NBEAL1: variants seen among roughly 807,000 people sequenced by gnomAD.
NBEAL1 encodes neurobeachin-like protein 1.
Under a neutral mutation model 351.3 loss-of-function variants are expected in NBEAL1, and 273 were observed. The ratio of observed to expected loss-of-function variants is 0.78; its 90% CI spans 0.70 to 0.86. NBEAL1 has a LOEUF of 0.86. NBEAL1 is among the 40% of genes least tolerant of loss of function. NBEAL1 has a pLI of 0.00. For synonymous variants in NBEAL1, 1,050 were observed against 1,086.4 expected (o/e 0.97, Z 0.66); for missense variants, 2,961 against 3,201.3 (o/e 0.92, Z 1.81).
At chr2:203,138,815 C>T (rs2063290506) in intron 31 of NBEAL1, 67 bp downstream of exon 31, 16 of 1,420,526 alleles carry the variant, frequency 1.1e-5, no homozygotes, top group Non-Finnish European at 1.4e-5. Context: ...ATGTAACAAG[C>T]CAGTTAAAAT....
chr2:203,160,647 G>T (rs1384324032), intron 36 of NBEAL1, among the ~76,000 whole-genome samples: 2 of 151,790 alleles, frequency 1.3e-5, no homozygotes, highest in Non-Finnish European at 2.9e-5. Context: ...ATACATTTTT[G>T]GTAACAAACT....
intron 43 of NBEAL1, among the ~76,000 whole-genome samples, chr2:203,180,763 C>A (rs1350720508): frequency 6.6e-6 from 1 of 151,746 alleles, no homozygotes; most frequent in Non-Finnish European, 1.5e-5. Flanking sequence ...ACTAGGGAAG[C>A]AAAAATGACC....
At chr2:203,170,814 A>G (rs947413386) in intron 39 of NBEAL1, among the ~76,000 whole-genome samples, 2 of 152,230 alleles carry the variant, frequency 1.3e-5, no homozygotes, top group African/African-American at 4.8e-5. Flanking sequence ...GCACTCAAGA[A>G]CAATTGGGCT....
At chr2:203,170,275 G>A (rs1214744422) in intron 39 of NBEAL1, among the ~76,000 whole-genome samples, 2 of 152,116 alleles carry the variant, frequency 1.3e-5, no homozygotes, top group Non-Finnish European at 2.9e-5. Context: ...GGGAGGCTGA[G>A]GTGGGAGAAT....
At chr2:203,156,857 AT>A (rs892452077) in intron 35 of NBEAL1, among the ~76,000 whole-genome samples, 92 of 151,898 alleles carry the variant, frequency 6.1e-4, no homozygotes, top group African/African-American at 1.7e-3. Context: ...AAGTATGTTA[AT>A]TTTTTTTCCA....
chr2:203,126,229 C>A, intron 21 of NBEAL1, 136 bp downstream of exon 21: 1 of 940,718 alleles, frequency 1.1e-6, no homozygotes, highest in Non-Finnish European at 1.5e-6. Context: ...AATTTGTTCA[C>A]AGGCAGCTTT....
At chr2:203,120,194 G>A (rs894587497) in intron 18 of NBEAL1, among the ~76,000 whole-genome samples, 4 of 152,064 alleles carry the variant, frequency 2.6e-5, no homozygotes, top group East Asian at 1.9e-4. Flanking sequence ...AGTATTTCAC[G>A]TGTATTGTTT....
chr2:203,177,466 A>G (rs2064545685), intron 42 of NBEAL1, among the ~76,000 whole-genome samples: 1 of 152,116 alleles, frequency 6.6e-6, no homozygotes, highest in South Asian at 2.1e-4. Flanking sequence ...ATCTAAATAA[A>G]CATTTCTTCA....
intron 10 of NBEAL1, among the ~76,000 whole-genome samples, chr2:203,093,768 A>G (rs2062119580): frequency 6.6e-6 from 1 of 152,072 alleles, no homozygotes; most frequent in Non-Finnish European, 1.5e-5. Context: ...GAATCGTTTG[A>G]ACTTAGAGGG....
At chr2:203,061,153 G>A (rs1198926648) in intron 6 of NBEAL1, among the ~76,000 whole-genome samples, 1 of 152,134 alleles carries the variant, frequency 6.6e-6, no homozygotes, top group African/African-American at 2.4e-5. Flanking sequence ...ACATTTCTTA[G>A]AATTACAGGG....
At chr2:203,148,253 A>G (rs1168508280) in intron 33 of NBEAL1, among the ~76,000 whole-genome samples, 1 of 152,064 alleles carries the variant, frequency 6.6e-6, no homozygotes, top group Admixed American at 6.5e-5. Context: ...ATGAGAGGAC[A>G]CTGAGCCTCA....
Position 203,141,363 on chromosome 2 carries a change from A to ATTT in NBEAL1, c.4848+2617_4848+2618insTTT, listed in dbSNP as rs1468774275. 6.1e-3 allele frequency among the ~76,000 whole-genome samples: 106 copies of ATTT among 17,480 alleles called. 1 individual carries two copies. Among genetic ancestry groups the ATTT allele is most frequent in the African/African-American group, 0.011 (70 of 6,664 alleles). The allele number at this position is 17,480 out of a possible 152,430, so 11.5% of individuals were successfully genotyped here. On this transcript the variant is annotated intron_variant, in intron 31 of 55. Coordinates refer to ENST00000683969, the MANE Select transcript of NBEAL1 (RefSeq NM_001378026.1). ...ACAGATTATTATTATTATTATTATT[A>ATTT]TTATTTTTTTTTTTTTTTTTTTTTT...
rs16839626 is a variant in NBEAL1 at position 203,225,007 on chromosome 2, G to A, written c.*7653G>A. On this transcript the variant is annotated 3_prime_UTR_variant, in exon 56 of 56. Transcript: ENST00000683969. ...TAAAAAATTCATTGTGTGTATATGA[G>A]CTAATACTTGATTTGTTTCTGTATA... Among the ~76,000 whole-genome samples the A allele has an allele frequency of 0.02, 3,039 of 152,146 alleles. 99 individuals are homozygous for A. The highest frequency in any genetic ancestry group is 0.069 in the African/African-American group (2,853 of 41,518).
At chr2:203,148,895 A>G in intron 33 of NBEAL1, 96 bp from the exon 34 acceptor site, 1 of 1,137,106 alleles carries the variant, frequency 8.8e-7, no homozygotes, top group Non-Finnish European at 1.2e-6. Context: ...ATAATGCAAG[A>G]TTTTATTGGT....
At chr2:203,122,939 C>T (rs958841995) in intron 19 of NBEAL1, among the ~76,000 whole-genome samples, 2 of 151,916 alleles carry the variant, frequency 1.3e-5, no homozygotes, top group Non-Finnish European at 2.9e-5. Flanking sequence ...TAAGTGTTGA[C>T]TGAGTGATTA....
At chr2:203,078,905 CT>C (rs1230448334) in intron 8 of NBEAL1, among the ~76,000 whole-genome samples, 1 of 152,106 alleles carries the variant, frequency 6.6e-6, no homozygotes, top group African/African-American at 2.4e-5. Context: ...GTAATATGTG[CT>C]TCTTTATAAT....
rs749060087 is a variant in NBEAL1, at chr2:203,208,643, G to A, written c.7513G>A (p.Val2505Ile). 1.9e-6 allele frequency: 3 copies of A among 1,605,912 alleles called. No homozygotes were observed. Among genetic ancestry groups the A allele is most frequent in the Non-Finnish European group, 2.5e-6 (3 of 1,177,076 alleles). The change falls in exon 52 of 56, where the codon GTT becomes ATT. Residue 2505 changes from valine (V) to isoleucine (I), a missense_variant. Val to Ile is a conservative substitution (Grantham distance 29). Transcript: ENST00000683969. ...TTTTCTCTTGTATTATTAGGGAGGT[G>A]TTCCTGTGGGCTTAGCATCTAAACC... ...MIWQITQQGG[V>I]PVGLASKPFQ...
intron 18 of NBEAL1, 146 bp from the exon 19 acceptor site, chr2:203,122,108 A>G: frequency 1.9e-6 from 1 of 521,090 alleles, no homozygotes; most frequent in Non-Finnish European, 3.3e-6. Context: ...TTTAAAACAG[A>G]ACAGCAATAC....
At chr2:203,213,403 C>T (rs2105857948) in intron 54 of NBEAL1, 115 bp from the exon 55 acceptor site, 1 of 949,796 alleles carries the variant, frequency 1.1e-6, no homozygotes, top group South Asian at 1.8e-5. Flanking sequence ...GTTCCCACAT[C>T]TGTAAAATTA....
Sources: allele counts gnomAD v4.1 joint callset (sites outside exome capture counted in the v4.1 genomes callset), GRCh38; gene constraint gnomAD v4.1.1; transcripts MANE v1.5; gene names NCBI Gene and HGNC (gene_info 2026-07-23, HGNC 2026-07-21).